The following DNAH14 variants were observed in gnomAD, a reference collection of about 807,000 sequenced individuals.
The protein encoded by DNAH14 is dynein axonemal heavy chain 14.
DNAH14 carries 478 observed loss-of-function variants against 520.9 expected under a neutral mutation model. That is an observed-to-expected ratio of 0.92 (90% CI 0.85 to 0.99). The LOEUF is 0.99. Ranked by LOEUF, DNAH14 falls within the 50% of genes least tolerant of loss-of-function variation. DNAH14 has a pLI of 0.00. For synonymous variants in DNAH14, 1,581 were observed against 1,757.2 expected (o/e 0.90, Z 2.51); for missense variants, 4,831 against 5,234.5 (o/e 0.92, Z 2.38).
intron 35 of DNAH14, among the ~76,000 whole-genome samples, chr1:225,166,465 C>A (rs947243533): frequency 4.6e-5 from 7 of 152,060 alleles, no homozygotes; most frequent in African/African-American, 1.4e-4. Flanking sequence ...TCACAAAGAT[C>A]GTAATTTAAA....
At chr1:225,371,270 A>G (rs1459421296) in intron 77 of DNAH14, among the ~76,000 whole-genome samples, 2 of 152,164 alleles carry the variant, frequency 1.3e-5, no homozygotes, top group African/African-American at 4.8e-5. Flanking sequence ...ACTGTAACCA[A>G]GTTGGGTTTA....
At chr1:225,138,786 C>G (rs537204391) in intron 27 of DNAH14, among the ~76,000 whole-genome samples, 1 of 152,118 alleles carries the variant, frequency 6.6e-6, no homozygotes. Flanking sequence ...AAGCTGTTGT[C>G]CCCCCTCCCC....
At chr1:225,138,160 GC>G (rs2149003132) in intron 27 of DNAH14, among the ~76,000 whole-genome samples, 1 of 152,196 alleles carries the variant, frequency 6.6e-6, no homozygotes, top group East Asian at 1.9e-4. Context: ...CCAAGGACCT[GC>G]CCAGTGAGAA....
At chr1:225,270,927 C>G in intron 50 of DNAH14, 61 bp downstream of exon 50, 1 of 1,463,598 alleles carries the variant, frequency 6.8e-7, no homozygotes, top group Non-Finnish European at 9.2e-7. Flanking sequence ...AGGAAAAATA[C>G]GAGAACTTAA....
intron 49 of DNAH14, among the ~76,000 whole-genome samples, chr1:225,267,847 A>G (rs560923496): frequency 6.6e-6 from 1 of 151,982 alleles, no homozygotes; most frequent in East Asian, 1.9e-4. Flanking sequence ...TCAGACTGAA[A>G]CAACCCTCAA....
chr1:224,991,875 C>T (rs1279738498), intron 8 of DNAH14, among the ~76,000 whole-genome samples: 1 of 152,138 alleles, frequency 6.6e-6, no homozygotes, highest in African/African-American at 2.4e-5. Flanking sequence ...AAAAGGTCAA[C>T]ATCACTGATC....
intron 54 of DNAH14, among the ~76,000 whole-genome samples, chr1:225,288,439 G>A (rs2093795717): frequency 6.6e-6 from 1 of 152,036 alleles, no homozygotes; most frequent in African/African-American, 2.4e-5. Context: ...AAAATTATTA[G>A]GTTAAAAACT....
intron 43 of DNAH14, among the ~76,000 whole-genome samples, chr1:225,248,874 C>A (rs712061): frequency 0.2 from 30,151 of 152,096 alleles, 3,131 homozygotes; most frequent in East Asian, 0.37. Context: ...ACCAAAAGAA[C>A]ATCATGGTCC....
intron 52 of DNAH14, among the ~76,000 whole-genome samples, chr1:225,274,197 A>ATTTTTTTTTTTTTTTTTTTTT (rs869247051): frequency 2.2e-5 from 2 of 92,884 alleles, no homozygotes; most frequent in African/African-American, 4.0e-5. Flanking sequence ...AGCATCTGTT[A>ATTTTTTTTTTTTTTTTTTTTT]TTTTTTTTTT....
chr1:225,082,030 G>A (rs2073178631), intron 19 of DNAH14, among the ~76,000 whole-genome samples: 1 of 152,070 alleles, frequency 6.6e-6, no homozygotes, highest in South Asian at 2.1e-4. Context: ...CAGCACTTGG[G>A]GAGGCTGAGG....
At chr1:225,393,150 A>T (rs966093418) in intron 84 of DNAH14, among the ~76,000 whole-genome samples, 5 of 152,272 alleles carry the variant, frequency 3.3e-5, no homozygotes, top group African/African-American at 1.2e-4. Flanking sequence ...ATGTGAAAGG[A>T]TGCTCAATAT....
At chr1:225,381,721 C>T in intron 81 of DNAH14, 142 bp downstream of exon 81, 1 of 741,444 alleles carries the variant, frequency 1.3e-6, no homozygotes, top group Non-Finnish European at 2.1e-6. Context: ...TTCATATTTT[C>T]ACATCTCTGA....
At position 225,389,838 on chromosome 1, in the gene DNAH14, C is replaced by G. The variant is rs986835661; in HGVS notation, c.13295C>G (p.Ser4432Ter). The G allele has an allele frequency of 4.5e-6, 7 of 1,551,786 alleles. No homozygotes were observed. Among genetic ancestry groups the G allele is most frequent in the East Asian group, 2.4e-5 (1 of 40,926 alleles). Residue 4432 changes from serine to a stop codon, truncating the protein, a stop_gained, in exon 83 of 86, where the codon TCA becomes TGA. Coordinates refer to ENST00000682510, the MANE Select transcript of DNAH14 (RefSeq NM_001367479.1). LOFTEE classifies it high-confidence loss of function. ...AACAATTTCTTTGAAGGGTTTCCTT[C>G]AAGATACTGGCTCCCAGCTTTCTTC... is the stretch of plus-strand genomic sequence containing the variant. ...SENNFFEGFP[S>*]RYWLPAFFFP...
At chr1:225,241,905 G>A (rs903139210) in intron 43 of DNAH14, among the ~76,000 whole-genome samples, 1 of 152,132 alleles carries the variant, frequency 6.6e-6, no homozygotes, top group Non-Finnish European at 1.5e-5. Flanking sequence ...GTACACTTAG[G>A]CTACACTAAA....
chr1:225,385,442 C>T (rs1290004891), intron 81 of DNAH14, among the ~76,000 whole-genome samples: 3 of 152,076 alleles, frequency 2.0e-5, no homozygotes, highest in South Asian at 2.1e-4. Flanking sequence ...TCAAATTGTC[C>T]CTGTTTGCAG....
intron 64 of DNAH14, among the ~76,000 whole-genome samples, chr1:225,328,443 C>G (rs1182928123): frequency 6.6e-6 from 1 of 152,086 alleles, no homozygotes; most frequent in Non-Finnish European, 1.5e-5. Flanking sequence ...TCATTAAAAT[C>G]CAATTAATAT....
intron 35 of DNAH14, 63 bp downstream of exon 35, chr1:225,159,548 G>A: frequency 7.3e-7 from 1 of 1,364,606 alleles, no homozygotes; most frequent in Non-Finnish European, 9.7e-7. Flanking sequence ...TAAGAAACTA[G>A]ATGTGGATTA....
chr1:225,223,057 A>G (rs929225718), intron 41 of DNAH14, among the ~76,000 whole-genome samples: 5 of 152,118 alleles, frequency 3.3e-5, no homozygotes, highest in African/African-American at 1.2e-4. Context: ...CAGCCCAGCC[A>G]TTACCAGGCA....
intron 36 of DNAH14, among the ~76,000 whole-genome samples, chr1:225,173,749 C>T (rs1288922213): frequency 6.6e-6 from 1 of 152,146 alleles, no homozygotes; most frequent in Non-Finnish European, 1.5e-5. Flanking sequence ...ACCCAGCCAT[C>T]CCATTACTGG....
Sources: allele counts gnomAD v4.1 joint callset (sites outside exome capture counted in the v4.1 genomes callset), GRCh38; gene constraint gnomAD v4.1.1; transcripts MANE v1.5; gene names NCBI Gene and HGNC (gene_info 2026-07-23, HGNC 2026-07-21).